PTPRD: variants seen among roughly 807,000 people sequenced by gnomAD.
PTPRD encodes protein tyrosine phosphatase receptor type D.
In PTPRD, 34 loss-of-function variants were observed where a neutral mutation model predicts 214.5. The observed-to-expected ratio is 0.16, with a 90% CI of 0.12 to 0.21. The LOEUF is 0.21. Among genes scored for constraint, PTPRD ranks in the 10% least tolerant of loss-of-function variants. PTPRD has a pLI of 1.00. For synonymous variants in PTPRD, 1,128 were observed against 845.7 expected (o/e 1.33, Z -5.79); for missense variants, 2,545 against 2,398.7 (o/e 1.06, Z -1.27).
intron 3 of PTPRD, among the ~76,000 whole-genome samples, chr9:10,182,457 T>C (rs1369810652): frequency 6.6e-6 from 1 of 151,752 alleles, no homozygotes; most frequent in African/African-American, 2.4e-5. Context: ...GAGATCAAAT[T>C]GAAAAATATG....
chr9:8,473,011 G>A (rs1049853991), intron 30 of PTPRD, among the ~76,000 whole-genome samples: 4 of 152,180 alleles, frequency 2.6e-5, no homozygotes, highest in African/African-American at 7.2e-5. Flanking sequence ...GCAGTAAACA[G>A]ATACCAGCTG....
intron 3 of PTPRD, among the ~76,000 whole-genome samples, chr9:10,268,859 A>G (rs141686715): frequency 6.6e-6 from 1 of 152,190 alleles, no homozygotes; most frequent in African/African-American, 2.4e-5. Context: ...GGCTAAATAT[A>G]TTCGCCCATC....
intron 10 of PTPRD, among the ~76,000 whole-genome samples, chr9:9,166,207 T>G (rs2099903503): frequency 6.6e-6 from 1 of 151,908 alleles, no homozygotes; most frequent in African/African-American, 2.4e-5. Flanking sequence ...ATCCTTTCAA[T>G]GTTGTAATAG....
chr9:9,849,492 T>C (rs1434336713), intron 5 of PTPRD, among the ~76,000 whole-genome samples: 6 of 152,230 alleles, frequency 3.9e-5, no homozygotes, highest in African/African-American at 1.4e-4. Context: ...AATTTATATA[T>C]AGAAGTCTGA....
chr9:9,434,343 C>T (rs2084353203), intron 8 of PTPRD, among the ~76,000 whole-genome samples: 1 of 152,046 alleles, frequency 6.6e-6, no homozygotes, highest in South Asian at 2.1e-4. Context: ...AACTATAAAA[C>T]ACTGATAAAC....
At chr9:10,345,805 G>A (rs771786879) in intron 2 of PTPRD, among the ~76,000 whole-genome samples, 1 of 152,142 alleles carries the variant, frequency 6.6e-6, no homozygotes, top group African/African-American at 2.4e-5. Flanking sequence ...GAGTCAAATG[G>A]TATTTCTGGT....
At chr9:8,533,797 C>T (rs947209553) in intron 14 of PTPRD, among the ~76,000 whole-genome samples, 1 of 152,026 alleles carries the variant, frequency 6.6e-6, no homozygotes, top group Non-Finnish European at 1.5e-5. Flanking sequence ...CACAATTAGA[C>T]ATTTTTATGA....
At chr9:8,814,723 T>G (rs1265408009) in intron 11 of PTPRD, among the ~76,000 whole-genome samples, 1 of 151,964 alleles carries the variant, frequency 6.6e-6, no homozygotes, top group South Asian at 2.1e-4. Flanking sequence ...AGAAGTGAGG[T>G]CCTTCACTGG....
At chr9:9,963,715 A>G (rs1343858124) in intron 4 of PTPRD, among the ~76,000 whole-genome samples, 2 of 152,160 alleles carry the variant, frequency 1.3e-5, no homozygotes, top group Non-Finnish European at 2.9e-5. Context: ...ACCAAGAAGG[A>G]CAAAGCGATT....
At chr9:8,505,624 CA>C (rs954059567) in intron 22 of PTPRD, among the ~76,000 whole-genome samples, 732 of 55,752 alleles carry the variant, frequency 0.013, 1 homozygote, top group Middle Eastern at 0.033. Flanking sequence ...GACTCTGTCT[CA>C]AAAAAAAAAA....
intron 5 of PTPRD, among the ~76,000 whole-genome samples, chr9:9,893,271 T>G (rs1011879455): frequency 2.6e-5 from 4 of 151,904 alleles, no homozygotes; most frequent in African/African-American, 9.7e-5. Context: ...AATCTACACA[T>G]AGCAATACTA....
intron 12 of PTPRD, among the ~76,000 whole-genome samples, chr9:8,673,733 A>C (rs182802727): frequency 2.0e-5 from 3 of 152,290 alleles, no homozygotes; most frequent in Admixed American, 2.0e-4. Flanking sequence ...TTTAGCTGCT[A>C]AGGAAAATAT....
At chr9:9,918,960 C>G (rs904458227) in intron 5 of PTPRD, among the ~76,000 whole-genome samples, 1 of 151,982 alleles carries the variant, frequency 6.6e-6, no homozygotes, top group Non-Finnish European at 1.5e-5. Flanking sequence ...AGTTACAGAT[C>G]AATGAATGCC....
At chr9:10,551,160 C>T (rs2061274425) in intron 2 of PTPRD, among the ~76,000 whole-genome samples, 1 of 151,920 alleles carries the variant, frequency 6.6e-6, no homozygotes, top group African/African-American at 2.4e-5. Context: ...AGAGTGACAC[C>T]CCCAACTCTG....
chr9:10,233,092 G>A (rs2099617265), intron 3 of PTPRD, among the ~76,000 whole-genome samples: 1 of 152,006 alleles, frequency 6.6e-6, no homozygotes, highest in African/African-American at 2.4e-5. Flanking sequence ...ATGGTGTTGT[G>A]TATTAAATTA....
intron 14 of PTPRD, among the ~76,000 whole-genome samples, chr9:8,571,682 AATAG>A (rs1221703093): frequency 3.9e-5 from 6 of 152,150 alleles, no homozygotes; most frequent in African/African-American, 1.4e-4. Flanking sequence ...ATATTTAATA[AATAG>A]ATAGTGTAAG....
At chr9:8,333,043 C>T (rs1013771779) in intron 43 of PTPRD, among the ~76,000 whole-genome samples, 6 of 152,154 alleles carry the variant, frequency 3.9e-5, no homozygotes, top group East Asian at 3.9e-4. Context: ...CTCATCACCT[C>T]GCCTGGTGGT....
intron 2 of PTPRD, among the ~76,000 whole-genome samples, chr9:10,414,078 T>C (rs2098463678): frequency 1.3e-5 from 2 of 151,788 alleles, no homozygotes; most frequent in Non-Finnish European, 1.5e-5. Context: ...CCAAAAGCAA[T>C]AACGATAAAA....
chr9:10,478,221 T>TC (rs1403060752), intron 2 of PTPRD, among the ~76,000 whole-genome samples: 1 of 152,176 alleles, frequency 6.6e-6, no homozygotes, highest in African/African-American at 2.4e-5. Flanking sequence ...AGTCATTATT[T>TC]CCCATTGAAA....
Sources: gnomAD v4.1 joint callset for allele counts (sites outside exome capture counted in the v4.1 genomes callset) on GRCh38, gnomAD v4.1.1 for gene constraint, MANE v1.5 for transcripts, NCBI Gene and HGNC (gene_info 2026-07-23, HGNC 2026-07-21) for gene names.